TTLL5: variants seen among roughly 807,000 people sequenced by gnomAD.
TTLL5 encodes tubulin polyglutamylase TTLL5.
Under a neutral mutation model 168.4 loss-of-function variants are expected in TTLL5, and 132 were observed. That is an observed-to-expected ratio of 0.78 (90% confidence interval 0.68 to 0.91). The LOEUF is 0.91. Ranked by LOEUF, TTLL5 falls within the 40% of genes least tolerant of loss-of-function variation. The probability of loss-of-function intolerance (pLI) is 0.00; values close to 1 mark genes in which losing one functional copy is unlikely to be tolerated. For synonymous variants in TTLL5, 546 were observed against 558.6 expected (o/e 0.98, Z 0.32); for missense variants, 1,545 against 1,581.5 (o/e 0.98, Z 0.39).
At chr14:75,772,507 A>G (rs1026651911) in intron 21 of TTLL5, among the ~76,000 whole-genome samples, 11 of 152,304 alleles carry the variant, frequency 7.2e-5, no homozygotes, top group African/African-American at 2.4e-4. Flanking sequence ...AGATTGCTAG[A>G]ATCAAACTTG....
intron 31 of TTLL5, among the ~76,000 whole-genome samples, chr14:75,936,183 G>C (rs1391919783): frequency 6.6e-6 from 1 of 151,884 alleles, no homozygotes; most frequent in Admixed American, 6.6e-5. Flanking sequence ...AATCATATGA[G>C]AAATACTTCT....
At chr14:75,724,491 G>A (rs1249847286) in intron 12 of TTLL5, among the ~76,000 whole-genome samples, 1 of 152,082 alleles carries the variant, frequency 6.6e-6, no homozygotes, top group African/African-American at 2.4e-5. Flanking sequence ...CAAACTACCC[G>A]AAACTTTGTC....
intron 29 of TTLL5, among the ~76,000 whole-genome samples, chr14:75,865,970 C>T (rs1240623151): frequency 1.3e-5 from 2 of 152,116 alleles, no homozygotes; most frequent in Admixed American, 6.5e-5. Flanking sequence ...CCCAACACCC[C>T]GAACCCGTTC....
At chr14:75,780,070 A>G (rs538333059) in intron 24 of TTLL5, among the ~76,000 whole-genome samples, 1 of 152,346 alleles carries the variant, frequency 6.6e-6, no homozygotes, top group South Asian at 2.1e-4. Flanking sequence ...AAATAAGCTA[A>G]AAGAGACTGA....
Position 75,683,579 on chromosome 14 carries a change from A to G in TTLL5, c.294A>G (p.Leu98=), listed in dbSNP as rs1471779463. The G allele has an allele frequency of 4.3e-6, 7 of 1,613,796 alleles. No homozygotes were observed. Among genetic ancestry groups the G allele is most frequent in the African/African-American group, 2.7e-5 (2 of 74,862 alleles). The change falls in exon 5 of 32, where the codon CTA becomes CTG. Residue 98 remains leucine (L), a synonymous_variant. Coordinates refer to ENST00000298832, the MANE Select transcript of TTLL5 (RefSeq NM_015072.5). ...ACCCAAGCAGCACTGACTATAACCT[A>G]ATGTGGACAGGATCCCACCTGAAGC... ...EVHPSSTDYN[L]MWTGSHLKPF... is the part of the protein sequence containing the mutation.
At chr14:75,805,516 G>T (rs1893600749) in intron 27 of TTLL5, among the ~76,000 whole-genome samples, 1 of 152,106 alleles carries the variant, frequency 6.6e-6, no homozygotes, top group Admixed American at 6.5e-5. Context: ...CTGGGATAAA[G>T]TTCCTTTTCC....
rs112721830 is a variant in TTLL5, at chr14:75,707,441, C to T, written c.656-182C>T. Among the ~76,000 whole-genome samples, 1,046 of 151,634 alleles carry T rather than the reference C, an allele frequency of 6.9e-3. 8 individuals carry two copies. The highest frequency in any genetic ancestry group is 9.7e-3 in the East Asian group (50 of 5,154). ...ATGTACTATATACATAATATGTATA[C>T]GGTACAATTATATAGTATAATTATT... On this transcript the variant is annotated intron_variant, in intron 8 of 31. Transcript: ENST00000298832.
intron 26 of TTLL5, among the ~76,000 whole-genome samples, chr14:75,787,365 T>A (rs1892430114): frequency 6.6e-6 from 1 of 152,182 alleles, no homozygotes. Flanking sequence ...GTTGCATTAA[T>A]ATATGCTGAA....
rs766807897 is a variant in TTLL5, at chr14:75,775,578, G to T, written c.2231G>T (p.Arg744Leu). The T allele has an allele frequency of 6.2e-7, 1 of 1,614,054 alleles. No individual in the cohort carries two copies. The highest frequency in any genetic ancestry group is 8.5e-7 in the Non-Finnish European group (1 of 1,179,978). Residue 744 changes from arginine (R) to leucine (L), a missense_variant, in exon 22 of 32, where the codon CGC becomes CTC. By Grantham distance (102) the Arg-to-Leu change is moderately radical (BLOSUM62 -2). Coordinates refer to ENST00000298832, the MANE Select transcript of TTLL5 (RefSeq NM_015072.5). ...LPSRRLALLERRRILAHQLGD... is the reference protein window; with the variant it reads ...LPSRRLALLELRRILAHQLGD... Reference sequence around the variant, plus strand: ...AGTCGACGATTGGCACTTCTGGAACGCAGAAGAATCCTGGCCCACCAGCTG... The same window carrying T: ...AGTCGACGATTGGCACTTCTGGAACTCAGAAGAATCCTGGCCCACCAGCTG...
At position 75,672,118 on chromosome 14, in the gene TTLL5, T is replaced by A. The variant is rs183595576; in HGVS notation, c.181+2596T>A. On this transcript the variant is annotated intron_variant, in intron 3 of 31. Coordinates refer to ENST00000298832, the MANE Select transcript of TTLL5 (RefSeq NM_015072.5). ...GCTTTTTCCACATCAACTGAAATGA[T>A]ATTTCCCCCTTCAGCCTGTTAACGT... Among the ~76,000 whole-genome samples, 268 of 152,370 alleles carry A rather than the reference T, an allele frequency of 1.8e-3. 1 individual carries two copies. Among genetic ancestry groups the A allele is most frequent in the African/African-American group, 6.0e-3 (251 of 41,582 alleles).
At chr14:75,776,684 T>C in intron 22 of TTLL5, 63 bp from the exon 23 acceptor site, 2 of 1,169,388 alleles carry the variant, frequency 1.7e-6, no homozygotes, top group Non-Finnish European at 2.5e-6. Flanking sequence ...CATGATGAAG[T>C]GCATATTTAT....
intron 31 of TTLL5, among the ~76,000 whole-genome samples, chr14:75,933,837 G>C (rs1316163195): frequency 6.6e-6 from 1 of 152,214 alleles, no homozygotes; most frequent in East Asian, 1.9e-4. Flanking sequence ...CTTACAAGAG[G>C]AGGAAATATG....
intron 30 of TTLL5, among the ~76,000 whole-genome samples, chr14:75,892,991 A>G (rs1478737228): frequency 6.6e-6 from 1 of 152,204 alleles, no homozygotes; most frequent in Non-Finnish European, 1.5e-5. Flanking sequence ...TTCCCATTCA[A>G]AATAAGCCCG....
chr14:75,841,628 TCTTCCAG>T (rs2139848061), intron 28 of TTLL5, among the ~76,000 whole-genome samples: 1 of 152,340 alleles, frequency 6.6e-6, no homozygotes, highest in African/African-American at 2.4e-5. Flanking sequence ...TTTTTAAATT[TCTTCCAG>T]TTCAGGACAG....
At chr14:75,815,697 T>C (rs1051863883) in intron 27 of TTLL5, among the ~76,000 whole-genome samples, 1 of 152,248 alleles carries the variant, frequency 6.6e-6, no homozygotes, top group African/African-American at 2.4e-5. Flanking sequence ...TCTGATGATA[T>C]TTTAAAAATC....
At chr14:75,773,044 T>A (rs1173503411) in intron 21 of TTLL5, among the ~76,000 whole-genome samples, 1 of 152,166 alleles carries the variant, frequency 6.6e-6, no homozygotes, top group Non-Finnish European at 1.5e-5. Flanking sequence ...CATTCTTTGT[T>A]CCACTCAGTG....
chr14:75,855,477 C>T (rs1270466729), intron 28 of TTLL5, among the ~76,000 whole-genome samples: 3 of 152,116 alleles, frequency 2.0e-5, no homozygotes, highest in African/African-American at 7.2e-5. Flanking sequence ...CACTTAAGGG[C>T]AAGTCATAGT....
At chr14:75,784,403 A>G (rs569725442) in intron 26 of TTLL5, among the ~76,000 whole-genome samples, 1 of 152,342 alleles carries the variant, frequency 6.6e-6, no homozygotes, top group African/African-American at 2.4e-5. Context: ...TTTCAGGTTC[A>G]TCCACGTTGT....
intron 28 of TTLL5, chr14:75,837,218 T>G (rs1348561975): frequency 6.6e-6 from 1 of 152,214 alleles, no homozygotes; most frequent in Non-Finnish European, 1.5e-5. Flanking sequence ...TCATGCTGGC[T>G]GTCGACAGGA....
Sources: gnomAD v4.1 joint callset for allele counts (sites outside exome capture counted in the v4.1 genomes callset) on GRCh38, gnomAD v4.1.1 for gene constraint, MANE v1.5 for transcripts, NCBI Gene and HGNC (gene_info 2026-07-23, HGNC 2026-07-21) for gene names.